The following PANK3 variants were observed in gnomAD, a reference collection of about 807,000 sequenced individuals.
The protein encoded by PANK3 is pantothenate kinase 3.
Under a neutral mutation model 39.4 loss-of-function variants are expected in PANK3, and 20 were observed. The ratio of observed to expected loss-of-function variants is 0.51; its 90% confidence interval spans 0.36 to 0.74. The LOEUF (loss-of-function observed/expected upper bound fraction) is 0.74, where lower values mean the gene tolerates loss of function less well. Ranked by LOEUF, PANK3 falls within the 30% of genes least tolerant of loss-of-function variation. The probability of loss-of-function intolerance (pLI) is 0.00; values close to 1 mark genes in which losing one functional copy is unlikely to be tolerated. For synonymous variants in PANK3, 140 were observed against 157.3 expected, an observed-to-expected ratio of 0.89 and a Z score of 0.82; for missense variants, 265 against 437.0, an observed-to-expected ratio of 0.61 and a Z score of 3.51.
Position 168,569,004 on chromosome 5 carries a change from G to GTTT in PANK3, c.29-7_29-6insAAA. On this transcript the variant is annotated splice_polypyrimidine_tract_variant and splice_region_variant and intron_variant, in intron 1 of 6. Coordinates refer to ENST00000239231, the MANE Select transcript of PANK3 (RefSeq NM_024594.4). ...CATGCCAAACCATGGGAAAGCTATG[G>GTTT]GAGGAAAAAAAAAAAAAAAAAAAAA... 1.6e-6 allele frequency: 1 copy of GTTT among 625,544 alleles called. No homozygotes were observed. Among genetic ancestry groups the GTTT allele is most frequent in the Non-Finnish European group, 2.1e-6 (1 of 467,894 alleles). The allele number at this position is 625,544 out of a possible 1,614,324, so 38.7% of individuals were successfully genotyped here. A position where few individuals can be genotyped will look rare whatever the true frequency, so the allele number is the denominator to read the frequency against.
Position 168,568,710 on chromosome 5 carries a change from G to A in PANK3, c.317C>T (p.Thr106Ile). Residue 106 changes from threonine to isoleucine, a missense_variant, in exon 2 of 7, where the codon ACA (threonine) becomes ATA (isoleucine). Physicochemically the swap from Thr to Ile is moderately conservative, Grantham distance 89. This residue lies in a region of PANK3 where 154 missense variants were observed against 256.8 expected (regional missense o/e 0.60). Coordinates refer to ENST00000239231, the MANE Select transcript of PANK3 (RefSeq NM_024594.4). ...IQMGRDKNFS[T>I]LQTVLCATGG... ...TGTAGCACATAGCACCGTCTGCAAT[G>A]TTGAGAAGTTTTTATCTCTTCCCAT... 1 of 1,614,086 alleles carries A rather than the reference G, an allele frequency of 6.2e-7. No individual in the cohort carries two copies. Among genetic ancestry groups the A allele is most frequent in the Non-Finnish European group, 8.5e-7 (1 of 1,180,016 alleles).
At position 168,555,700 on chromosome 5, in the gene PANK3, C is replaced by G. The variant is rs1430079977; in HGVS notation, c.*1871G>C. The G allele has an allele frequency of 2.6e-5, 4 of 152,222 alleles. No homozygotes were observed. The highest frequency in any genetic ancestry group is 5.9e-5 in the Non-Finnish European group (4 of 68,040). The allele number at this position is 152,222 out of a possible 1,614,324, so 9.4% of individuals were successfully genotyped here. The stretch of plus-strand genomic sequence containing the variant: ...TAACCATATTTCAAATGCTCAACAG[C>G]TACATATGGGTAGTGGCTACTGCAC... On this transcript the variant is annotated 3_prime_UTR_variant, in exon 7 of 7. Coordinates refer to ENST00000239231, the MANE Select transcript of PANK3 (RefSeq NM_024594.4).
At chr5:168,574,908 T>G (rs1186632742) in intron 1 of PANK3, among the ~76,000 whole-genome samples, 1 of 151,996 alleles carries the variant, frequency 6.6e-6, no homozygotes, top group Non-Finnish European at 1.5e-5. Context: ...CAAGCAAGTA[T>G]CTACATATTT....
At chr5:168,567,719 C>A (rs1759559477) in intron 2 of PANK3, among the ~76,000 whole-genome samples, 1 of 152,086 alleles carries the variant, frequency 6.6e-6, no homozygotes, top group African/African-American at 2.4e-5. Context: ...AGAGCTCAAG[C>A]AATCCTCCCA....
chr5:168,566,294 A>C, intron 2 of PANK3, 28 bp from the exon 3 acceptor site: 1 of 1,555,294 alleles, frequency 6.4e-7, no homozygotes, highest in South Asian at 1.2e-5. Flanking sequence ...CAAAAACAAA[A>C]AAGGATGACA....
intron 1 of PANK3, among the ~76,000 whole-genome samples, chr5:168,576,374 A>T (rs1210706262): frequency 4.1e-4 from 63 of 152,332 alleles, no homozygotes; most frequent in Non-Finnish European, 2.9e-5. Flanking sequence ...CACCTTGTTA[A>T]TCCAGTTACA....
In PANK3 at chr5:168,563,950, G is replaced by A. The variant is rs146047826; in HGVS notation, c.751C>T (p.Arg251Cys). 345 of 1,612,596 alleles carry A rather than the reference G, an allele frequency of 2.1e-4. No individual in the cohort carries two copies. The African/African-American group carries it at 3.9e-3, about 18-fold the overall frequency. The stretch of plus-strand genomic sequence containing the variant: ...TCATAATCTCCTCCATAAATATCAC[G>A]GACCAGCTTGTCAGCTTGTGTGCTA... ...GDSTQADKLV[R>C]DIYGGDYERF... The change falls in exon 4 of 7, where the codon CGT becomes TGT. Residue 251 changes from arginine (R) to cysteine (C), a missense_variant. Transcript: ENST00000239231.
In PANK3 at chr5:168,554,387, T is replaced by C. The variant is rs1046083055; in HGVS notation, c.*3184A>G. ...CGCAGGTTTACTTAATAGTTTTCAGTAGACTATCAAGAGATGCATGATAAA... is the reference window on the plus strand; with the variant it reads ...CGCAGGTTTACTTAATAGTTTTCAGCAGACTATCAAGAGATGCATGATAAA... On this transcript the variant is annotated 3_prime_UTR_variant, in exon 7 of 7. Transcript: ENST00000239231. 6.6e-6 allele frequency: 1 copy of C among 152,232 alleles called. No individual in the cohort carries two copies. The highest frequency in any genetic ancestry group is 1.5e-5 in the Non-Finnish European group (1 of 68,044). The allele number at this position is 152,232 out of a possible 1,614,324, so 9.4% of individuals were successfully genotyped here.
At position 168,566,121 on chromosome 5, in the gene PANK3, G is replaced by A. The variant is rs1759528523; in HGVS notation, c.527C>T (p.Pro176Leu). 1.2e-6 allele frequency: 2 copies of A among 1,613,592 alleles called. No individual in the cohort carries two copies. Among genetic ancestry groups the A allele is most frequent in the African/African-American group, 1.3e-5 (1 of 74,762 alleles). Residue 176 changes from proline (P) to leucine (L), a missense_variant, in exon 3 of 7, where the codon CCT becomes CTT. Pro to Leu is a moderately conservative substitution (Grantham distance 98). Transcript: ENST00000239231. ...ASEPERCQKM[P>L]FNLDDPYPLL... ...TGGATAGGGATCATCCAGGTTAAAA[G>A]GCATCTTTTGGCATCGCTCAGGTTC...
chr5:168,557,511 T>C lies in PANK3; in HGVS notation c.*60A>G. 3 of 1,454,696 alleles carry C rather than the reference T, an allele frequency of 2.1e-6. No homozygotes were observed. Among genetic ancestry groups the C allele is most frequent in the Admixed American group, 1.7e-5 (1 of 58,260 alleles). The allele number at this position is 1,454,696 out of a possible 1,614,324, so 90.1% of individuals were successfully genotyped here. A position where few individuals can be genotyped will look rare whatever the true frequency, so the allele number is the denominator to read the frequency against. On this transcript the variant is annotated 3_prime_UTR_variant, in exon 7 of 7. Transcript: ENST00000239231. ...CCAGTGACAAACAATGCAGTAATAA[T>C]GCCTCTGGTTTTAGTTCCTCTTGGA... is the stretch of plus-strand genomic sequence containing the variant.
At chr5:168,567,419 A>T (rs1472169827) in intron 2 of PANK3, among the ~76,000 whole-genome samples, 3 of 152,126 alleles carry the variant, frequency 2.0e-5, no homozygotes, top group African/African-American at 4.8e-5. Context: ...AAATGATTAC[A>T]TTCATCATTT....
chr5:168,553,581 T>C lies in PANK3; in HGVS notation c.*3990A>G. 3.4e-6 allele frequency: 1 copy of C among 291,148 alleles called. No individual in the cohort carries two copies. Among genetic ancestry groups the C allele is most frequent in the Non-Finnish European group, 6.7e-6 (1 of 148,180 alleles). The allele number at this position is 291,148 out of a possible 1,614,324, so 18.0% of individuals were successfully genotyped here. A position where few individuals can be genotyped will look rare whatever the true frequency, so the allele number is the denominator to read the frequency against. ...GAGTCTTCTGACCTCTCTTTCAAAG[T>C]GTAACTGAGAAAGTCCTGTATGACT... On this transcript the variant is annotated 3_prime_UTR_variant, in exon 7 of 7. Coordinates refer to ENST00000239231, the MANE Select transcript of PANK3 (RefSeq NM_024594.4).
Position 168,553,218 on chromosome 5 carries a change from C to T in PANK3, c.*4353G>A, listed in dbSNP as rs543768996. 1.2e-5 allele frequency: 6 copies of T among 506,800 alleles called. No individual in the cohort carries two copies. Among genetic ancestry groups the T allele is most frequent in the Non-Finnish European group, 2.4e-5 (6 of 247,364 alleles). The allele number at this position is 506,800 out of a possible 1,614,324, so 31.4% of individuals were successfully genotyped here. A position where few individuals can be genotyped will look rare whatever the true frequency, so the allele number is the denominator to read the frequency against. On this transcript the variant is annotated 3_prime_UTR_variant, in exon 7 of 7. Coordinates refer to ENST00000239231, the MANE Select transcript of PANK3 (RefSeq NM_024594.4). Reference sequence around the variant, plus strand: ...TGAACTCCAGACCAAAGATCTGGATCTCCAGAATACCAACGACGTCCAGCT... The same window carrying T: ...TGAACTCCAGACCAAAGATCTGGATTTCCAGAATACCAACGACGTCCAGCT...
chr5:168,563,866 A>AAT (rs1183161952), intron 4 of PANK3, 23 bp downstream of exon 4: 2 of 1,550,100 alleles, frequency 1.3e-6, no homozygotes, highest in East Asian at 4.7e-5. Context: ...CTGTAACTTA[A>AAT]ATAACACAAA....
At position 168,557,276 on chromosome 5, in the gene PANK3, G is replaced by T; in HGVS notation, c.*295C>A. ...CCGATACTTTAAGATTTGTGTTTGAGCATACAGTACTGCAATGTTGGCTAC... is the reference window on the plus strand; with the variant it reads ...CCGATACTTTAAGATTTGTGTTTGATCATACAGTACTGCAATGTTGGCTAC... On this transcript the variant is annotated 3_prime_UTR_variant, in exon 7 of 7. Coordinates refer to ENST00000239231, the MANE Select transcript of PANK3 (RefSeq NM_024594.4). 1.3e-5 allele frequency: 3 copies of T among 234,736 alleles called. No individual in the cohort carries two copies. The highest frequency in any genetic ancestry group is 2.5e-5 in the Non-Finnish European group (3 of 119,322). The allele number at this position is 234,736 out of a possible 1,614,324, so 14.5% of individuals were successfully genotyped here. A position where few individuals can be genotyped will look rare whatever the true frequency, so the allele number is the denominator to read the frequency against.
chr5:168,549,026 G>C lies in PANK3; in HGVS notation c.*8545C>G, dbSNP rs1759234482. The C allele has an allele frequency of 6.6e-6, 1 of 152,140 alleles. No individual in the cohort carries two copies. Among genetic ancestry groups the C allele is most frequent in the African/African-American group, 2.4e-5 (1 of 41,418 alleles). The allele number at this position is 152,140 out of a possible 1,614,324, so 9.4% of individuals were successfully genotyped here. A position where few individuals can be genotyped will look rare whatever the true frequency, so the allele number is the denominator to read the frequency against. On this transcript the variant is annotated 3_prime_UTR_variant, in exon 7 of 7. Transcript: ENST00000239231. The stretch of plus-strand genomic sequence containing the variant: ...AGATTGGGACATAATAACATCTTCT[G>C]AGTACACTTTGGTCAATAACTGGTC...
At position 168,555,889 on chromosome 5, in the gene PANK3, T is replaced by C. The variant is rs1759342703; in HGVS notation, c.*1682A>G. 6.6e-6 allele frequency: 1 copy of C among 152,276 alleles called. No individual in the cohort carries two copies. Among genetic ancestry groups the C allele is most frequent in the Non-Finnish European group, 1.5e-5 (1 of 68,056 alleles). The allele number at this position is 152,276 out of a possible 1,614,324, so 9.4% of individuals were successfully genotyped here. A position where few individuals can be genotyped will look rare whatever the true frequency, so the allele number is the denominator to read the frequency against. ...ATTTCATTGTAGTGCCTATCATTTT[T>C]CCATTGATACTGATAAAGTTGCCTA... On this transcript the variant is annotated 3_prime_UTR_variant, in exon 7 of 7. Coordinates refer to ENST00000239231, the MANE Select transcript of PANK3 (RefSeq NM_024594.4).
At chr5:168,577,070 G>C (rs953633196) in intron 1 of PANK3, among the ~76,000 whole-genome samples, 1 of 151,658 alleles carries the variant, frequency 6.6e-6, no homozygotes, top group Non-Finnish European at 1.5e-5. Flanking sequence ...TAGTAGAGAT[G>C]GGGTTTCACC....
intron 1 of PANK3, 61 bp from the exon 2 acceptor site, chr5:168,569,059 G>A (rs1215723024): frequency 1.8e-5 from 6 of 329,040 alleles, no homozygotes; most frequent in African/African-American, 9.5e-5. Flanking sequence ...ATCCATTTTA[G>A]AAACACAAAT....
Sources: allele counts gnomAD v4.1 joint callset (sites outside exome capture counted in the v4.1 genomes callset), GRCh38; gene constraint gnomAD v4.1.1; regional missense constraint gnomAD v4.1.1; transcripts MANE v1.5; gene names NCBI Gene and HGNC (gene_info 2026-07-23, HGNC 2026-07-21).